Variants in THSD4 observed in about 807,000 individuals in gnomAD.
THSD4 encodes thrombospondin type-1 domain-containing protein 4.
Under a neutral mutation model 119.0 loss-of-function variants are expected in THSD4, and 69 were observed. The ratio of observed to expected loss-of-function variants is 0.58; its 90% CI spans 0.48 to 0.71. The LOEUF (loss-of-function observed/expected upper bound fraction) is 0.71. THSD4 is among the 30% of genes least tolerant of loss of function. The pLI, the probability that THSD4 is intolerant of heterozygous loss-of-function variation, is 0.00. For missense variants in THSD4, 1,393 were observed against 1,391.1 expected, an observed-to-expected ratio of 1.00 and a Z score of -0.02; for synonymous variants, 524 against 540.4, an observed-to-expected ratio of 0.97 and a Z score of 0.42.
At chr15:71,340,820 G>A (rs1382037408) in intron 6 of THSD4, among the ~76,000 whole-genome samples, 2 of 152,032 alleles carry the variant, frequency 1.3e-5, no homozygotes, top group Non-Finnish European at 2.9e-5. Flanking sequence ...GGGTAGTCTT[G>A]AACTCTTGAG....
chr15:71,403,901 G>A lies in THSD4; in HGVS notation c.1016-7786G>A, dbSNP rs542913670. On this transcript the variant is annotated intron_variant, in intron 6 of 17. Coordinates refer to ENST00000261862, the MANE Select transcript of THSD4 (RefSeq NM_024817.3). ...CTCACTCAGAAATCTTCTATCTTCT[G>A]TTTGTATCCATGAAACAGTAACAGG... 2.6e-3 allele frequency among the ~76,000 whole-genome samples: 391 copies of A among 152,156 alleles called. 3 individuals carry two copies. Among genetic ancestry groups the A allele is most frequent in the Non-Finnish European group, 4.4e-3 (301 of 68,006 alleles).
intron 7 of THSD4, among the ~76,000 whole-genome samples, chr15:71,491,711 A>AAG (rs1459612831): frequency 6.6e-6 from 1 of 151,520 alleles, no homozygotes; most frequent in Admixed American, 6.6e-5. Flanking sequence ...CTGAAAAAAA[A>AAG]AATTGTTTTT....
intron 7 of THSD4, among the ~76,000 whole-genome samples, chr15:71,412,936 A>G (rs2046709618): frequency 6.6e-6 from 1 of 152,200 alleles, no homozygotes; most frequent in Non-Finnish European, 1.5e-5. Context: ...TAACTGGGGT[A>G]TCCGTCACCT....
chr15:71,306,304 C>A (rs2045025830), intron 6 of THSD4, among the ~76,000 whole-genome samples: 2 of 54,726 alleles, frequency 3.7e-5, no homozygotes, highest in African/African-American at 1.7e-4. Context: ...AAGACTCTTG[C>A]CTCAAAAAAA....
intron 7 of THSD4, among the ~76,000 whole-genome samples, chr15:71,548,287 C>G (rs1003565988): frequency 1.3e-5 from 2 of 152,108 alleles, no homozygotes; most frequent in East Asian, 3.9e-4. Flanking sequence ...GCCTGAGTAA[C>G]GAAAGGACAG....
chr15:71,699,358 G>A (rs2052237159), intron 8 of THSD4, among the ~76,000 whole-genome samples: 1 of 131,430 alleles, frequency 7.6e-6, no homozygotes, highest in Non-Finnish European at 1.6e-5. Context: ...GACTACAGGC[G>A]CCCGCCACTA....
At chr15:71,402,911 A>G (rs2046556447) in intron 6 of THSD4, among the ~76,000 whole-genome samples, 1 of 152,166 alleles carries the variant, frequency 6.6e-6, no homozygotes, top group Non-Finnish European at 1.5e-5. Context: ...TAGTTTGCCT[A>G]CTTTTCTATA....
intron 7 of THSD4, among the ~76,000 whole-genome samples, chr15:71,471,610 G>A (rs2047582343): frequency 6.6e-6 from 1 of 151,482 alleles, no homozygotes; most frequent in Non-Finnish European, 1.5e-5. Context: ...AAGTGATCAG[G>A]AGCAAGGATG....
chr15:71,259,137 A>AAG (rs2044359783), intron 6 of THSD4, among the ~76,000 whole-genome samples: 1 of 151,948 alleles, frequency 6.6e-6, no homozygotes, highest in African/African-American at 2.4e-5. Context: ...AAACAAAAAA[A>AAG]AAGAAGAGGA....
At chr15:71,509,987 T>A (rs2048253808) in intron 7 of THSD4, among the ~76,000 whole-genome samples, 1 of 152,220 alleles carries the variant, frequency 6.6e-6, no homozygotes, top group African/African-American at 2.4e-5. Context: ...ATGAATACAG[T>A]AGGAATCATT....
intron 1 of THSD4, among the ~76,000 whole-genome samples, chr15:71,102,703 TA>T (rs1363501318): frequency 1.2e-4 from 19 of 152,202 alleles, no homozygotes; most frequent in Non-Finnish European, 2.6e-4. Flanking sequence ...TAGCTGGGAT[TA>T]CAGATGCCTG....
At chr15:71,385,916 C>T (rs1210084017) in intron 6 of THSD4, among the ~76,000 whole-genome samples, 1 of 152,070 alleles carries the variant, frequency 6.6e-6, no homozygotes. Flanking sequence ...CAGGAAACAA[C>T]AATTTATCAG....
chr15:71,216,403 G>A (rs1437004722), intron 4 of THSD4, among the ~76,000 whole-genome samples: 1 of 152,222 alleles, frequency 6.6e-6, no homozygotes, highest in East Asian at 1.9e-4. Flanking sequence ...CTGCATGAGA[G>A]TCTGTCTTAG....
At chr15:71,355,311 TA>T (rs556260004) in intron 6 of THSD4, among the ~76,000 whole-genome samples, 45 of 152,358 alleles carry the variant, frequency 3.0e-4, no homozygotes, top group Admixed American at 2.7e-3. Flanking sequence ...AGCTCTTCTT[TA>T]TTTGAAATTG....
chr15:71,290,197 A>G (rs1259507979), intron 6 of THSD4, among the ~76,000 whole-genome samples: 1 of 152,222 alleles, frequency 6.6e-6, no homozygotes, highest in Non-Finnish European at 1.5e-5. Flanking sequence ...TGTATGAGAC[A>G]TGTCTGTAGC....
intron 7 of THSD4, among the ~76,000 whole-genome samples, chr15:71,520,974 A>C (rs556061867): frequency 6.6e-6 from 1 of 152,346 alleles, no homozygotes; most frequent in South Asian, 2.1e-4. Flanking sequence ...AAACCTTGAG[A>C]GTGAGTGGCT....
chr15:71,591,852 A>G (rs1158250892), intron 7 of THSD4, among the ~76,000 whole-genome samples: 7 of 152,166 alleles, frequency 4.6e-5, no homozygotes, highest in Admixed American at 2.6e-4. Flanking sequence ...TGGGAATGGT[A>G]TTGTTCAGAA....
intron 6 of THSD4, among the ~76,000 whole-genome samples, chr15:71,313,815 T>G (rs2045147937): frequency 6.6e-6 from 1 of 152,196 alleles, no homozygotes; most frequent in Non-Finnish European, 1.5e-5. Flanking sequence ...CTGGGGGCTC[T>G]CCGTAGCTTT....
intron 7 of THSD4, among the ~76,000 whole-genome samples, chr15:71,540,438 C>CTT (rs11335522): frequency 1.6e-5 from 2 of 126,278 alleles, no homozygotes; most frequent in Admixed American, 8.0e-5. Flanking sequence ...ACCTGGCCGC[C>CTT]TTTTTTTTTT....
Sources: gnomAD v4.1 joint callset for allele counts (sites outside exome capture counted in the v4.1 genomes callset) on GRCh38, gnomAD v4.1.1 for gene constraint, MANE v1.5 for transcripts, NCBI Gene and HGNC (gene_info 2026-07-23, HGNC 2026-07-21) for gene names.